PCDH15: variants seen among roughly 807,000 people sequenced by gnomAD.
PCDH15 encodes the protein protocadherin-15.
In PCDH15, 129 loss-of-function variants were observed where a neutral mutation model predicts 178.5. The observed-to-expected ratio is 0.72, with a 90% CI of 0.63 to 0.84. The LOEUF (loss-of-function observed/expected upper bound fraction) is 0.84. Ranked by LOEUF, PCDH15 falls within the 40% of genes least tolerant of loss-of-function variation. The probability of loss-of-function intolerance (pLI) is 0.00; values close to 1 mark genes in which losing one functional copy is unlikely to be tolerated. For synonymous variants in PCDH15, 800 were observed against 732.0 expected (o/e 1.09, Z -1.50); for missense variants, 2,230 against 2,099.9 (o/e 1.06, Z -1.21).
intron 1 of PCDH15, among the ~76,000 whole-genome samples, chr10:55,173,179 C>A (rs1839385865): frequency 6.7e-6 from 1 of 150,312 alleles, no homozygotes; most frequent in African/African-American, 2.4e-5. Context: ...TTTTTTTTAA[C>A]CTCCAGGTAA....
intron 2 of PCDH15, among the ~76,000 whole-genome samples, chr10:55,535,028 G>A (rs1841539733): frequency 6.6e-6 from 1 of 151,956 alleles, no homozygotes; most frequent in African/African-American, 2.4e-5. Flanking sequence ...ACATAAACAT[G>A]GGAAAAACAG....
At position 54,914,673 on chromosome 10, in the gene PCDH15, T is replaced by C. The variant is rs889232845; in HGVS notation, c.-79-17173A>G. 3.9e-5 allele frequency among the ~76,000 whole-genome samples: 6 copies of C among 152,136 alleles called. No homozygotes were observed. In the East Asian group the frequency reaches 1.2e-3, roughly 29 times the overall value. On this transcript the variant is annotated intron_variant, in intron 2 of 5. Transcript: ENST00000458638. ...TCCTCATTCCTTTGAAAAATGACAATAACTGAGCCCACTTCATAGGTTCAT... is the reference window on the plus strand; with the variant it reads ...TCCTCATTCCTTTGAAAAATGACAACAACTGAGCCCACTTCATAGGTTCAT...
chr10:54,238,742 G>A (rs1191950080), intron 8 of PCDH15, among the ~76,000 whole-genome samples: 1 of 148,376 alleles, frequency 6.7e-6, no homozygotes, highest in Non-Finnish European at 1.5e-5. Flanking sequence ...TGCTTGGTAT[G>A]CAATACCTGT....
intron 25 of PCDH15, among the ~76,000 whole-genome samples, chr10:53,921,112 C>T (rs1001229342): frequency 6.6e-6 from 1 of 152,136 alleles, no homozygotes; most frequent in Non-Finnish European, 1.5e-5. Context: ...GTTCACAGTT[C>T]TTGCAATATG....
intron 1 of PCDH15, among the ~76,000 whole-genome samples, chr10:55,313,290 T>G (rs1843636558): frequency 6.6e-6 from 1 of 152,214 alleles, no homozygotes. Context: ...TCCTCTTCAG[T>G]ACAGTGGTTC....
intron 2 of PCDH15, among the ~76,000 whole-genome samples, chr10:55,595,645 A>G (rs972818737): frequency 6.6e-6 from 1 of 152,118 alleles, no homozygotes; most frequent in African/African-American, 2.4e-5. Context: ...TTGAATTGAT[A>G]CTGATCTTAG....
chr10:55,449,985 T>G (rs1022024543), intron 2 of PCDH15, among the ~76,000 whole-genome samples: 2 of 152,112 alleles, frequency 1.3e-5, no homozygotes, highest in Non-Finnish European at 1.5e-5. Flanking sequence ...TGGGAACATA[T>G]AAACAAATAA....
At chr10:55,305,303 T>C (rs1008863954) in intron 1 of PCDH15, among the ~76,000 whole-genome samples, 1 of 152,252 alleles carries the variant, frequency 6.6e-6, no homozygotes, top group Non-Finnish European at 1.5e-5. Flanking sequence ...TGAAAGCTTT[T>C]GGCTCAAGCC....
chr10:54,369,262 A>G lies in PCDH15; in HGVS notation c.332T>C (p.Ile111Thr), dbSNP rs748151614. 39 of 1,612,496 alleles carry G rather than the reference A, an allele frequency of 2.4e-5. No individual in the cohort carries two copies. Among genetic ancestry groups the G allele is most frequent in the South Asian group, 4.4e-5 (4 of 91,042 alleles). The change falls in exon 5 of 38, where the codon ATA becomes ACA. Residue 111 changes from isoleucine to threonine, a missense_variant. Transcript: ENST00000644397. Reference sequence around the variant, plus strand: ...CTGGACCTGCACCACAATGGAGTGTATGTTCATCGGTGGCTGCAATGTAGA... The same window carrying G: ...CTGGACCTGCACCACAATGGAGTGTGTGTTCATCGGTGGCTGCAATGTAGA... ...RVLDRDPPMN[I>T]HSIVVQVQCI... is the part of the protein sequence containing the mutation.
intron 2 of PCDH15, among the ~76,000 whole-genome samples, chr10:54,585,167 C>T (rs763054244): frequency 1.4e-4 from 11 of 78,450 alleles, no homozygotes; most frequent in Non-Finnish European, 2.8e-4. Flanking sequence ...CAGAAGTTGG[C>T]TGCCCTAAAG....
intron 9 of PCDH15, among the ~76,000 whole-genome samples, chr10:54,222,870 T>C (rs914104811): frequency 2.0e-5 from 3 of 152,242 alleles, no homozygotes; most frequent in African/African-American, 4.8e-5. Flanking sequence ...AAGTCACTTG[T>C]TGGATACATT....
At chr10:53,899,316 T>C (rs1187692502) in intron 26 of PCDH15, among the ~76,000 whole-genome samples, 1 of 152,106 alleles carries the variant, frequency 6.6e-6, no homozygotes, top group Admixed American at 6.5e-5. Context: ...TCAGAGCAGA[T>C]ATACAATTGT....
At chr10:54,015,702 A>G (rs1565017585) in intron 20 of PCDH15, among the ~76,000 whole-genome samples, 1 of 152,208 alleles carries the variant, frequency 6.6e-6, no homozygotes, top group African/African-American at 2.4e-5. Flanking sequence ...ATACATATGT[A>G]GAAAAATGAA....
At position 53,974,867 on chromosome 10, in the gene PCDH15, G is replaced by C. The variant is rs1374050516; in HGVS notation, c.2869-12975C>G. ...TAATGCTGAGGTTTGGGGTACAATT[G>C]ATCCAGTCATCGAGGTAGTGAGCAT... On this transcript the variant is annotated intron_variant, in intron 21 of 37. Transcript: ENST00000644397. Among the ~76,000 whole-genome samples, 47 of 151,944 alleles carry C rather than the reference G, an allele frequency of 3.1e-4. 2 individuals are homozygous for C. Among genetic ancestry groups the C allele is most frequent in the Non-Finnish European group, 6.6e-4 (45 of 67,980 alleles).
intron 2 of PCDH15, among the ~76,000 whole-genome samples, chr10:55,062,118 ATAT>A (rs1243764051): frequency 8.5e-5 from 13 of 152,256 alleles, no homozygotes. Flanking sequence ...CAACATTCAA[ATAT>A]TAAATCCTTA....
At chr10:54,016,029 G>C (rs532261881) in intron 20 of PCDH15, among the ~76,000 whole-genome samples, 1 of 152,152 alleles carries the variant, frequency 6.6e-6, no homozygotes, top group Non-Finnish European at 1.5e-5. Context: ...ATCTGACAAA[G>C]GTCAAATATC....
chr10:54,904,641 G>A (rs913258964), intron 2 of PCDH15, among the ~76,000 whole-genome samples: 4 of 152,002 alleles, frequency 2.6e-5, no homozygotes, highest in Non-Finnish European at 1.5e-5. Context: ...TGTGCCATCA[G>A]AATGAACCAT....
chr10:55,470,581 ATGCATAG>A (rs1472999049), intron 2 of PCDH15, among the ~76,000 whole-genome samples: 3 of 152,108 alleles, frequency 2.0e-5, no homozygotes, highest in African/African-American at 7.2e-5. Context: ...GAAGGCTTTT[ATGCATAG>A]CCTCTTTTAC....
At chr10:54,493,673 G>T (rs1047261754) in intron 3 of PCDH15, among the ~76,000 whole-genome samples, 1 of 151,846 alleles carries the variant, frequency 6.6e-6, no homozygotes, top group Non-Finnish European at 1.5e-5. Context: ...GTGGAAGTCA[G>T]TGTGGCGATT....
Sources: gnomAD v4.1 joint callset for allele counts (sites outside exome capture counted in the v4.1 genomes callset) on GRCh38, gnomAD v4.1.1 for gene constraint, MANE v1.5 for transcripts, NCBI Gene and HGNC (gene_info 2026-07-23, HGNC 2026-07-21) for gene names.